Variants in MAN1B1 observed in about 807,000 individuals in gnomAD.
MAN1B1 encodes mannosidase alpha class 1B member 1.
Under a neutral mutation model 75.5 loss-of-function variants are expected in MAN1B1, and 66 were observed. That is an observed-to-expected ratio of 0.87 (90% CI 0.72 to 1.07). The LOEUF (loss-of-function observed/expected upper bound fraction) is 1.07, where lower values mean the gene tolerates loss of function less well. Ranked by LOEUF, MAN1B1 falls within the 50% of genes least tolerant of loss-of-function variation. The pLI, the probability that MAN1B1 is intolerant of heterozygous loss-of-function variation, is 0.00. For synonymous variants in MAN1B1, 453 were observed against 382.8 expected, an observed-to-expected ratio of 1.18 and a Z score of -2.14; for missense variants, 973 against 912.5, an observed-to-expected ratio of 1.07 and a Z score of -0.85.
chr9:137,097,803 T>A, intron 4 of MAN1B1, 25 bp from the exon 5 acceptor site: 1 of 1,512,522 alleles, frequency 6.6e-7, no homozygotes, highest in Non-Finnish European at 9.0e-7. Flanking sequence ...TGACGGCAGC[T>A]GACACCCTTC....
At chr9:137,102,735 TGCA>T (rs1830897485) in intron 8 of MAN1B1, 7 of 450,496 alleles carry the variant, frequency 1.6e-5, no homozygotes, top group Middle Eastern at 3.3e-4. Flanking sequence ...GTTGCAGGCG[TGCA>T]GGTCGGTGGT....
intron 2 of MAN1B1, 168 bp from the exon 3 acceptor site, chr9:137,088,701 G>A: frequency 1.2e-6 from 1 of 844,420 alleles, no homozygotes; most frequent in South Asian, 1.5e-5. Context: ...CAAGTGTTTT[G>A]AAAAAGATTT....
intron 8 of MAN1B1, chr9:137,102,339 G>C: frequency 2.3e-6 from 1 of 441,720 alleles, no homozygotes; most frequent in African/African-American, 2.1e-5. Flanking sequence ...TGTTGCAGGC[G>C]TGCAGGTCGG....
chr9:137,087,465 A>G, intron 1 of MAN1B1: 1 of 687,574 alleles, frequency 1.5e-6, no homozygotes, highest in Non-Finnish European at 2.7e-6. Flanking sequence ...GAGCCCCAGC[A>G]GGTTTTCTGG....
intron 7 of MAN1B1, 77 bp from the exon 8 acceptor site, chr9:137,101,407 A>G (rs1467011979): frequency 1.4e-6 from 2 of 1,411,776 alleles, no homozygotes; most frequent in South Asian, 1.2e-5. Context: ...CAGTGTCTCC[A>G]CTGAACTGCA....
rs763520482 is a variant in MAN1B1, at chr9:137,088,970, A to G, written c.430A>G (p.Thr144Ala). The G allele has an allele frequency of 1.1e-5, 17 of 1,613,894 alleles. No homozygotes were observed. The highest frequency in any genetic ancestry group is 6.6e-5 in the South Asian group (6 of 91,086). The change falls in exon 3 of 13, where the codon ACC becomes GCC. Residue 144 changes from threonine to alanine, a missense_variant. Transcript: ENST00000371589. The part of the protein sequence containing the change: ...PVLPAPQKAD[T>A]DPENLPEISS... ...CTTACCAGCTCCTCAGAAGGCGGAC[A>G]CCGACCCTGAGAACTTACCTGAGAT...
At chr9:137,099,992 G>A in intron 6 of MAN1B1, 111 bp downstream of exon 6, 1 of 1,300,098 alleles carries the variant, frequency 7.7e-7, no homozygotes, top group East Asian at 2.3e-5. Context: ...CTGACCATGG[G>A]TTTTCCCTTC....
intron 2 of MAN1B1, chr9:137,088,602 C>G (rs1317672685): frequency 1.4e-6 from 1 of 690,606 alleles, no homozygotes; most frequent in East Asian, 3.2e-5. Context: ...AGGGCTCCTG[C>G]CCACCTGCCA....
intron 8 of MAN1B1, chr9:137,105,104 C>T (rs1831047293): frequency 6.6e-6 from 1 of 152,382 alleles, no homozygotes; most frequent in Non-Finnish European, 1.5e-5. Context: ...CACCCACTGG[C>T]CTCCCAAAGT....
At chr9:137,088,800 T>C in intron 2 of MAN1B1, 69 bp from the exon 3 acceptor site, 1 of 1,565,878 alleles carries the variant, frequency 6.4e-7, no homozygotes. Context: ...CCAAGTGTTT[T>C]TATAAAGCAG....
intron 6 of MAN1B1, 130 bp from the exon 7 acceptor site, chr9:137,100,875 C>T (rs528983231): frequency 4.9e-6 from 5 of 1,020,380 alleles, no homozygotes; most frequent in South Asian, 1.3e-5. Flanking sequence ...TTGCCTCAGC[C>T]TCCCAAAGTG....
In MAN1B1 at chr9:137,107,531, C is replaced by G; in HGVS notation, c.1765C>G (p.Pro589Ala). 1 of 1,612,952 alleles carries G rather than the reference C, an allele frequency of 6.2e-7. No homozygotes were observed. Among genetic ancestry groups the G allele is most frequent in the African/African-American group, 1.3e-5 (1 of 75,066 alleles). ...GCCCTGAGCTCTGCTCCGCCCACAG[C>G]CAGCAGACAGGCACAACCTGCTGCG... Reference protein sequence around the residue: ...QPGRRDVEVKPADRHNLLRPE... With the variant: ...QPGRRDVEVKAADRHNLLRPE... The change falls in exon 12 of 13, where the codon CCA (proline) becomes GCA (alanine). Residue 589 changes from proline to alanine, a missense_variant and splice_region_variant. Coordinates refer to ENST00000371589, the MANE Select transcript of MAN1B1 (RefSeq NM_016219.5).
chr9:137,102,964 G>T (rs781563901), intron 8 of MAN1B1: 1 of 421,224 alleles, frequency 2.4e-6, no homozygotes, highest in Admixed American at 2.7e-5. Context: ...ACACATTCAC[G>T]CTTTTGCAGG....
chr9:137,108,718 C>A lies in MAN1B1; in HGVS notation c.*127C>A. On this transcript the variant is annotated 3_prime_UTR_variant, in exon 13 of 13. Transcript: ENST00000371589. ...GCCCAGGCTCTGAACTGGCTCTGGGCTCCTCCTCGTCTCTGCTTTAATCAG... is the reference window on the plus strand; with the variant it reads ...GCCCAGGCTCTGAACTGGCTCTGGGATCCTCCTCGTCTCTGCTTTAATCAG... The A allele has an allele frequency of 1.2e-6, 1 of 857,770 alleles. No homozygotes were observed. The highest frequency in any genetic ancestry group is 2.0e-6 in the Non-Finnish European group (1 of 509,132). 53.1% of individuals were successfully genotyped at this position (857,770 alleles called of 1,614,324 possible).
At chr9:137,092,781 G>A (rs1830549040) in intron 3 of MAN1B1, among the ~76,000 whole-genome samples, 1 of 152,210 alleles carries the variant, frequency 6.6e-6, no homozygotes, top group Non-Finnish European at 1.5e-5. Flanking sequence ...CAATGCAACA[G>A]TCAGAAACTG....
chr9:137,107,555 C>T lies in MAN1B1; in HGVS notation c.1789C>T (p.Arg597Trp), dbSNP rs374963946. ...VKPADRHNLLRPETVESLFYL... is the reference protein window; with the variant it reads ...VKPADRHNLLWPETVESLFYL... Reference sequence around the variant, plus strand: ...GCCAGCAGACAGGCACAACCTGCTGCGGCCAGAGACCGTGGAGAGCCTGTT... The same window carrying T: ...GCCAGCAGACAGGCACAACCTGCTGTGGCCAGAGACCGTGGAGAGCCTGTT... The change falls in exon 12 of 13, where the codon CGG becomes TGG. Residue 597 changes from arginine to tryptophan, a missense_variant. Physicochemically the swap from Arg to Trp is moderately radical, Grantham distance 101. Coordinates refer to ENST00000371589, the MANE Select transcript of MAN1B1 (RefSeq NM_016219.5). 2.0e-4 allele frequency: 320 copies of T among 1,612,678 alleles called. No individual in the cohort carries two copies. The highest frequency in any genetic ancestry group is 2.6e-4 in the Non-Finnish European group (308 of 1,179,986).
At chr9:137,107,955 C>T (rs1182303731) in intron 12 of MAN1B1, 1 of 633,456 alleles carries the variant, frequency 1.6e-6, no homozygotes, top group South Asian at 1.9e-5. Context: ...AGCATCCCCC[C>T]AGTTTAGGAG....
At position 137,107,518 on chromosome 9, in the gene MAN1B1, G is replaced by C; in HGVS notation, c.1765-13G>C. 1.9e-6 allele frequency: 3 copies of C among 1,612,954 alleles called. No individual in the cohort carries two copies. The South Asian group carries it at 3.3e-5, about 18-fold the overall frequency. ...CAGGGCTGGCCTTGCCCTGAGCTCTGCTCCGCCCACAGCCAGCAGACAGGC... is the reference window on the plus strand; with the variant it reads ...CAGGGCTGGCCTTGCCCTGAGCTCTCCTCCGCCCACAGCCAGCAGACAGGC... On this transcript the variant is annotated splice_polypyrimidine_tract_variant and intron_variant, in intron 11 of 12. Coordinates refer to ENST00000371589, the MANE Select transcript of MAN1B1 (RefSeq NM_016219.5).
At chr9:137,097,111 G>A (rs1272756199) in intron 4 of MAN1B1, among the ~76,000 whole-genome samples, 4 of 152,242 alleles carry the variant, frequency 2.6e-5, no homozygotes, top group South Asian at 4.1e-4. Flanking sequence ...GGGTCCTCAC[G>A]GCCAGGAGGA....
Sources: allele counts gnomAD v4.1 joint callset (sites outside exome capture counted in the v4.1 genomes callset), GRCh38; gene constraint gnomAD v4.1.1; transcripts MANE v1.5; gene names NCBI Gene and HGNC (gene_info 2026-07-23, HGNC 2026-07-21).